CHL1: variants seen among roughly 807,000 people sequenced by gnomAD.
The protein encoded by CHL1 is neural cell adhesion molecule L1-like protein.
A neutral mutation model predicts 141.9 loss-of-function variants in CHL1; 96 were observed. The ratio of observed to expected loss-of-function variants is 0.68; its 90% CI spans 0.57 to 0.80. The LOEUF (loss-of-function observed/expected upper bound fraction) is 0.80. CHL1 is among the 30% of genes least tolerant of loss of function. The pLI is 0.00. For synonymous variants in CHL1, 613 were observed against 502.2 expected (o/e 1.22, Z -2.95); for missense variants, 1,820 against 1,457.2 (o/e 1.25, Z -4.05).
intron 7 of CHL1, among the ~76,000 whole-genome samples, chr3:342,454 G>T (rs1172765636): frequency 6.6e-6 from 1 of 152,072 alleles, no homozygotes; most frequent in Admixed American, 6.6e-5. Context: ...AACAACAGAG[G>T]CAAAAAGATG....
At chr3:279,660 A>G (rs1696460521) in intron 2 of CHL1, among the ~76,000 whole-genome samples, 1 of 152,198 alleles carries the variant, frequency 6.6e-6, no homozygotes, top group South Asian at 2.1e-4. Context: ...TTGGAAATTG[A>G]TGACTGCTAT....
chr3:234,613 G>T (rs549801723), intron 1 of CHL1, among the ~76,000 whole-genome samples: 8 of 152,236 alleles, frequency 5.3e-5, no homozygotes, highest in African/African-American at 1.7e-4. Context: ...CCCCCATGCT[G>T]GTGAGGCACG....
chr3:326,004 C>A lies in CHL1; in HGVS notation c.137C>A (p.Ala46Asp). 1.2e-6 allele frequency: 2 copies of A among 1,611,794 alleles called. No individual in the cohort carries two copies. Among genetic ancestry groups the A allele is most frequent in the South Asian group, 2.2e-5 (2 of 90,912 alleles). The stretch of plus-strand genomic sequence containing the variant: ...ATAAAACAGTCAAAAGTCCAAGTTG[C>A]CTTTCCCTTCGATGAGTATTTTCAA... ...TIIKQSKVQV[A>D]FPFDEYFQIE... The change falls in exon 4 of 28, where the codon GCC (alanine) becomes GAC (aspartate). Residue 46 changes from alanine (A) to aspartate (D), a missense_variant. By Grantham distance (126) the Ala-to-Asp change is moderately radical. Coordinates refer to ENST00000256509, the MANE Select transcript of CHL1 (RefSeq NM_006614.4).
chr3:210,104 C>T (rs1271719277), intron 1 of CHL1, among the ~76,000 whole-genome samples: 1 of 152,254 alleles, frequency 6.6e-6, no homozygotes, highest in East Asian at 1.9e-4. Flanking sequence ...TAGGGATATA[C>T]ACAAGCTGTT....
intron 2 of CHL1, among the ~76,000 whole-genome samples, chr3:249,176 C>T (rs1302975451): frequency 6.6e-6 from 1 of 152,158 alleles, no homozygotes; most frequent in African/African-American, 2.4e-5. Flanking sequence ...CGAAATATAT[C>T]ACTATTATCA....
intron 2 of CHL1, among the ~76,000 whole-genome samples, chr3:276,845 T>C (rs150898811): frequency 0.027 from 3,565 of 130,876 alleles, 152 homozygotes; most frequent in African/African-American, 0.097. Context: ...GCCGAGATCA[T>C]GCCACTGCAC....
intron 12 of CHL1, among the ~76,000 whole-genome samples, chr3:360,714 A>G (rs1180703276): frequency 2.7e-5 from 4 of 146,930 alleles, no homozygotes; most frequent in Non-Finnish European, 3.0e-5. Flanking sequence ...AGCATTAGGT[A>G]TATCTCCCGA....
At position 405,769 on chromosome 3, in the gene CHL1, C is replaced by A; in HGVS notation, c.*58C>A. On this transcript the variant is annotated 3_prime_UTR_variant, in exon 28 of 28. Coordinates refer to ENST00000256509, the MANE Select transcript of CHL1 (RefSeq NM_006614.4). ...CCCCAACCTTCCATATTTATCTGTT[C>A]AAAGGAGCAAGAACTTTCATATAGG... 1 of 1,306,486 alleles carries A rather than the reference C, an allele frequency of 7.7e-7. No homozygotes were observed. Among genetic ancestry groups the A allele is most frequent in the South Asian group, 1.2e-5 (1 of 81,020 alleles). 80.9% of individuals were successfully genotyped at this position (1,306,486 alleles called of 1,614,324 possible).
At chr3:391,629 A>G in intron 22 of CHL1, 46 bp from the exon 23 acceptor site, 2 of 1,454,658 alleles carry the variant, frequency 1.4e-6, no homozygotes, top group Non-Finnish European at 1.9e-6. Context: ...GCTTTTTTGA[A>G]TTTTTCTAAT....
At chr3:253,262 C>A (rs1037569461) in intron 2 of CHL1, among the ~76,000 whole-genome samples, 56 of 152,000 alleles carry the variant, frequency 3.7e-4, no homozygotes. Flanking sequence ...CGTTATGAAC[C>A]AATTATGCTC....
At chr3:330,084 T>A (rs1701319982) in intron 5 of CHL1, among the ~76,000 whole-genome samples, 1 of 151,874 alleles carries the variant, frequency 6.6e-6, no homozygotes. Flanking sequence ...GCAAAATGAG[T>A]TTTTTCATAC....
chr3:402,815 A>G (rs1340672752), intron 27 of CHL1, among the ~76,000 whole-genome samples: 1 of 152,234 alleles, frequency 6.6e-6, no homozygotes, highest in Non-Finnish European at 1.5e-5. Flanking sequence ...GAAAGAGAGA[A>G]AAAGAAAAAG....
chr3:326,474 C>A (rs576795605), intron 4 of CHL1, among the ~76,000 whole-genome samples: 1 of 151,348 alleles, frequency 6.6e-6, no homozygotes, highest in African/African-American at 2.4e-5. Context: ...ATTTAAACAT[C>A]TTATTTTGTG....
intron 14 of CHL1, among the ~76,000 whole-genome samples, 169 bp from the exon 15 acceptor site, chr3:365,781 A>G (rs1039257118): frequency 7.2e-5 from 11 of 152,208 alleles, no homozygotes; most frequent in African/African-American, 1.2e-4. Context: ...CCAAGCCTGG[A>G]TGGAAAGAAA....
At chr3:321,803 C>A (rs1247158749) in intron 3 of CHL1, among the ~76,000 whole-genome samples, 1 of 151,988 alleles carries the variant, frequency 6.6e-6, no homozygotes, top group Non-Finnish European at 1.5e-5. Flanking sequence ...CTAGAGCACT[C>A]ACAAATAAAT....
At chr3:216,984 T>C (rs1350464916) in intron 1 of CHL1, among the ~76,000 whole-genome samples, 1 of 152,202 alleles carries the variant, frequency 6.6e-6, no homozygotes, top group Non-Finnish European at 1.5e-5. Context: ...TTCAGCAACC[T>C]TTTGTGCTCA....
At chr3:250,044 G>T (rs1016183442) in intron 2 of CHL1, among the ~76,000 whole-genome samples, 1 of 151,694 alleles carries the variant, frequency 6.6e-6, no homozygotes, top group Non-Finnish European at 1.5e-5. Flanking sequence ...ATAGCTCATT[G>T]CAGCTTTGAT....
At chr3:318,811 A>C (rs1700329080) in intron 2 of CHL1, among the ~76,000 whole-genome samples, 1 of 151,598 alleles carries the variant, frequency 6.6e-6, no homozygotes, top group South Asian at 2.1e-4. Context: ...CACCGGAAAA[A>C]TCATTGATGT....
At chr3:300,790 A>G (rs910082467) in intron 2 of CHL1, among the ~76,000 whole-genome samples, 1 of 152,232 alleles carries the variant, frequency 6.6e-6, no homozygotes, top group East Asian at 1.9e-4. Context: ...CAACAAAAAA[A>G]AGAGAAAACC....
Sources: gnomAD v4.1 joint callset for allele counts (sites outside exome capture counted in the v4.1 genomes callset) on GRCh38, gnomAD v4.1.1 for gene constraint, MANE v1.5 for transcripts, NCBI Gene and HGNC (gene_info 2026-07-23, HGNC 2026-07-21) for gene names.